The following NTM variants were observed in gnomAD, a reference collection of about 807,000 sequenced individuals.
NTM encodes the protein IgLON family member 2.
A neutral mutation model predicts 42.1 loss-of-function variants in NTM; 13 were observed. The ratio of observed to expected loss-of-function variants is 0.31; its 90% CI spans 0.20 to 0.49. The LOEUF (loss-of-function observed/expected upper bound fraction) is 0.49. Among genes scored for constraint, NTM ranks in the 20% least tolerant of loss-of-function variants. The pLI is 0.99. For synonymous variants in NTM, 187 were observed against 179.2 expected, an observed-to-expected ratio of 1.04 and a Z score of -0.35; for missense variants, 373 against 452.8, an observed-to-expected ratio of 0.82 and a Z score of 1.60.
intron 7 of NTM, among the ~76,000 whole-genome samples, chr11:132,325,440 A>G (rs1226408997): frequency 1.3e-5 from 2 of 152,256 alleles, no homozygotes; most frequent in Non-Finnish European, 2.9e-5. Flanking sequence ...TGGCCATCAG[A>G]GAAATGCAAA....
chr11:131,598,735 C>CTTTCTTCTTTCTTTT (rs2060079781), intron 1 of NTM, among the ~76,000 whole-genome samples: 3 of 91,446 alleles, frequency 3.3e-5, no homozygotes, highest in African/African-American at 1.2e-4. Flanking sequence ...TTCTTTCTTT[C>CTTTCTTCTTTCTTTT]TTTCTTTCTT....
At chr11:131,494,718 C>A (rs1007576047) in intron 1 of NTM, among the ~76,000 whole-genome samples, 1 of 152,210 alleles carries the variant, frequency 6.6e-6, no homozygotes, top group African/African-American at 2.4e-5. Context: ...TACCAACTGA[C>A]CTCCTTCCAA....
At chr11:132,218,211 A>C (rs1282657466) in intron 4 of NTM, among the ~76,000 whole-genome samples, 1 of 152,204 alleles carries the variant, frequency 6.6e-6, no homozygotes, top group Non-Finnish European at 1.5e-5. Flanking sequence ...AGAAGAGGGC[A>C]AAATGGAACT....
intron 1 of NTM, among the ~76,000 whole-genome samples, chr11:131,755,851 T>C (rs2083262135): frequency 1.3e-5 from 2 of 152,246 alleles, no homozygotes; most frequent in South Asian, 2.1e-4. Context: ...GCTTAACATG[T>C]CTGCAAAGTA....
At chr11:131,827,547 A>G (rs1229806634) in intron 1 of NTM, among the ~76,000 whole-genome samples, 1 of 152,300 alleles carries the variant, frequency 6.6e-6, no homozygotes, top group East Asian at 1.9e-4. Flanking sequence ...TCTGCCTGTC[A>G]TTTGTCCTTT....
intron 4 of NTM, among the ~76,000 whole-genome samples, chr11:132,263,630 T>C (rs2093003795): frequency 6.6e-6 from 1 of 152,220 alleles, no homozygotes; most frequent in Non-Finnish European, 1.5e-5. Flanking sequence ...CATCTTCAAT[T>C]CATTTCCCTT....
At chr11:131,426,701 G>A (rs528444088) in intron 1 of NTM, among the ~76,000 whole-genome samples, 6 of 152,140 alleles carry the variant, frequency 3.9e-5, no homozygotes, top group East Asian at 1.9e-4. Flanking sequence ...GTCAGAGCCC[G>A]AACTTCTGCT....
chr11:131,499,806 G>A (rs407540), intron 1 of NTM, among the ~76,000 whole-genome samples: 35,346 of 152,112 alleles, frequency 0.23, 4,586 homozygotes, highest in African/African-American at 0.35. Flanking sequence ...CTTCACCCGC[G>A]TCAATGCGCT....
chr11:132,325,707 C>T (rs1237276804), intron 7 of NTM, among the ~76,000 whole-genome samples: 1 of 152,210 alleles, frequency 6.6e-6, no homozygotes, highest in Non-Finnish European at 1.5e-5. Flanking sequence ...GCTATAAAGA[C>T]ACACGCACAC....
rs1565551996 is a variant in NTM at position 131,789,550 on chromosome 11, GAA to G, written c.83-122013_83-122012del. 1.0e-3 allele frequency among the ~76,000 whole-genome samples: 7 copies of G among 6,938 alleles called. 2 individuals carry two copies. The highest frequency in any genetic ancestry group is 1.3e-3 in the Non-Finnish European group (5 of 3,866). 4.6% of individuals were successfully genotyped at this position (6,938 alleles called of 152,430 possible). ...AAGAAGAAGAAGAAGAAGAAGAAAA[GAA>G]GAAGAAGAAGAAGAAGAAGAAGAAG... On this transcript the variant is annotated intron_variant, in intron 1 of 8. Transcript: ENST00000683400.
chr11:131,960,898 A>G (rs1197512865), intron 2 of NTM, among the ~76,000 whole-genome samples: 2 of 152,144 alleles, frequency 1.3e-5, no homozygotes, highest in Non-Finnish European at 2.9e-5. Flanking sequence ...GAGGGTCAAT[A>G]TTGCTTTTTG....
At chr11:131,745,325 G>A (rs2081680767) in intron 1 of NTM, among the ~76,000 whole-genome samples, 1 of 152,208 alleles carries the variant, frequency 6.6e-6, no homozygotes, top group Admixed American at 6.5e-5. Flanking sequence ...GAAGGGCACT[G>A]CTCTCAGTCT....
chr11:131,449,695 C>T (rs1006347465), intron 1 of NTM, among the ~76,000 whole-genome samples: 2 of 152,148 alleles, frequency 1.3e-5, no homozygotes, highest in African/African-American at 4.8e-5. Context: ...TTCAGAGAAG[C>T]GTGTGTGTGT....
intron 3 of NTM, among the ~76,000 whole-genome samples, chr11:132,149,118 A>G (rs2071265331): frequency 6.6e-6 from 1 of 151,526 alleles, no homozygotes; most frequent in South Asian, 2.1e-4. Context: ...ATAGAGGACC[A>G]TAGTTTTTTC....
intron 1 of NTM, among the ~76,000 whole-genome samples, chr11:131,702,764 G>T (rs1314491077): frequency 2.0e-5 from 3 of 152,156 alleles, no homozygotes; most frequent in Non-Finnish European, 4.4e-5. Context: ...TTGATTTTTA[G>T]CTACAGGCAA....
At position 131,947,396 on chromosome 11, in the gene NTM, C is replaced by G. The variant is rs543159799; in HGVS notation, c.167+35748C>G. Reference sequence around the variant, plus strand: ...CTCCCTGCCTGTGGAGTCATCTACTCTAATTGTCCGGGAGTTCTGCACCCC... The same window carrying G: ...CTCCCTGCCTGTGGAGTCATCTACTGTAATTGTCCGGGAGTTCTGCACCCC... On this transcript the variant is annotated intron_variant, in intron 2 of 8. Coordinates refer to ENST00000683400, the MANE Select transcript of NTM (RefSeq NM_001352005.2). Among the ~76,000 whole-genome samples the G allele has an allele frequency of 3.9e-5, 6 of 152,294 alleles. No homozygotes were observed. In the East Asian group the frequency reaches 9.7e-4, roughly 25 times the overall value.
intron 1 of NTM, among the ~76,000 whole-genome samples, chr11:131,821,979 T>G (rs2093209029): frequency 6.6e-6 from 1 of 152,162 alleles, no homozygotes; most frequent in Admixed American, 6.5e-5. Context: ...CTAAGTGAAA[T>G]TTTACTTTGA....
At chr11:131,425,722 G>A (rs1423453431) in intron 1 of NTM, among the ~76,000 whole-genome samples, 1 of 152,144 alleles carries the variant, frequency 6.6e-6, no homozygotes, top group Non-Finnish European at 1.5e-5. Flanking sequence ...TAGGGAGGGG[G>A]CTGATCAGTA....
At chr11:132,198,753 A>G (rs12798911) in intron 3 of NTM, among the ~76,000 whole-genome samples, 4 of 152,232 alleles carry the variant, frequency 2.6e-5, no homozygotes, top group Non-Finnish European at 5.9e-5. Flanking sequence ...TTTATCAAGC[A>G]TAATTAGAGA....
Sources: allele counts gnomAD v4.1 joint callset (sites outside exome capture counted in the v4.1 genomes callset), GRCh38; gene constraint gnomAD v4.1.1; transcripts MANE v1.5; gene names NCBI Gene and HGNC (gene_info 2026-07-23, HGNC 2026-07-21).